Variants in PCNX1 observed in about 807,000 individuals in gnomAD.
PCNX1 encodes the protein pecanex 1.
Under a neutral mutation model 242.2 loss-of-function variants are expected in PCNX1, and 78 were observed. The ratio of observed to expected loss-of-function variants is 0.32; its 90% confidence interval spans 0.27 to 0.39. The LOEUF (loss-of-function observed/expected upper bound fraction) is 0.39, where lower values mean the gene tolerates loss of function less well. Among genes scored for constraint, PCNX1 ranks in the 10% least tolerant of loss-of-function variants. The pLI is 1.00. For missense variants in PCNX1, 2,581 were observed against 2,856.5 expected (o/e 0.90, Z 2.20); for synonymous variants, 1,024 against 1,032.9 (o/e 0.99, Z 0.17).
chr14:71,026,408 T>C, intron 14 of PCNX1, 120 bp downstream of exon 14: 1 of 605,656 alleles, frequency 1.7e-6, no homozygotes, highest in Non-Finnish European at 2.7e-6. Flanking sequence ...ACTGTTATTA[T>C]GTGCTCTGAG....
Position 70,978,552 on chromosome 14 carries a change from C to T in PCNX1, c.2215C>T (p.Arg739Trp), listed in dbSNP as rs754248600. The change falls in exon 6 of 36, where the codon CGG (arginine) becomes TGG (tryptophan). Residue 739 changes from arginine to tryptophan, a missense_variant. By Grantham distance (101) the Arg-to-Trp change is moderately radical (BLOSUM62 -3). This residue lies in a region of PCNX1 where 1,204 missense variants were observed against 1,216.7 expected (regional missense o/e 0.99). Transcript: ENST00000304743. ...GCTAGATGAGCTATCTTTATTAGGACGGGCTTCCCAGTTAGAGACAGTCAC... is the reference window on the plus strand; with the variant it reads ...GCTAGATGAGCTATCTTTATTAGGATGGGCTTCCCAGTTAGAGACAGTCAC... Reference protein sequence around the residue: ...EVLDELSLLGRASQLETVTRS... With the variant: ...EVLDELSLLGWASQLETVTRS... 9.3e-6 allele frequency: 15 copies of T among 1,613,898 alleles called. No homozygotes were observed. Among genetic ancestry groups the T allele is most frequent in the South Asian group, 4.4e-5 (4 of 91,082 alleles).
intron 12 of PCNX1, among the ~76,000 whole-genome samples, chr14:71,022,522 C>T (rs2060132096): frequency 6.6e-6 from 1 of 152,022 alleles, no homozygotes; most frequent in Non-Finnish European, 1.5e-5. Flanking sequence ...GGCCCAGTAT[C>T]GAATGGTAGG....
chr14:70,994,402 T>TAG (rs1566672853), intron 7 of PCNX1, among the ~76,000 whole-genome samples: 20 of 41,186 alleles, frequency 4.9e-4, no homozygotes, highest in African/African-American at 2.1e-3. Context: ...TTAAGATATA[T>TAG]ATATATATAT....
chr14:70,908,871 A>G (rs1303379062), intron 1 of PCNX1, among the ~76,000 whole-genome samples: 1 of 152,244 alleles, frequency 6.6e-6, no homozygotes, highest in Non-Finnish European at 1.5e-5. Flanking sequence ...TTAAAGCAAC[A>G]TTGAAAGTTG....
chr14:71,015,657 CA>C (rs1203895566), intron 11 of PCNX1, among the ~76,000 whole-genome samples: 1 of 151,982 alleles, frequency 6.6e-6, no homozygotes, highest in Non-Finnish European at 1.5e-5. Context: ...AAATTCTTAC[CA>C]AAACCTACTG....
chr14:71,002,973 T>C lies in PCNX1; in HGVS notation c.2630-6661T>C, dbSNP rs774250680. ...TTTGAATTTCTCTTATGACTAAAGATAGTAAGCATCTTTTGATGTGCTTAT... is the reference window on the plus strand; with the variant it reads ...TTTGAATTTCTCTTATGACTAAAGACAGTAAGCATCTTTTGATGTGCTTAT... On this transcript the variant is annotated intron_variant, in intron 8 of 35. Transcript: ENST00000304743. 3.9e-5 allele frequency among the ~76,000 whole-genome samples: 6 copies of C among 152,282 alleles called. No individual in the cohort carries two copies. In the South Asian group the frequency reaches 1.2e-3, roughly 32 times the overall value.
intron 1 of PCNX1, among the ~76,000 whole-genome samples, chr14:70,939,199 C>G (rs1005951724): frequency 6.6e-6 from 1 of 152,056 alleles, no homozygotes; most frequent in Non-Finnish European, 1.5e-5. Flanking sequence ...GCTCTTGCTT[C>G]TCTAGTTCTT....
At chr14:70,957,061 T>G (rs1025125764) in intron 2 of PCNX1, among the ~76,000 whole-genome samples, 3 of 152,066 alleles carry the variant, frequency 2.0e-5, no homozygotes, top group African/African-American at 7.2e-5. Flanking sequence ...AGTGGTGCAA[T>G]CATAGCTCAC....
chr14:71,079,946 T>C (rs995816482), intron 28 of PCNX1, among the ~76,000 whole-genome samples: 8 of 152,100 alleles, frequency 5.3e-5, no homozygotes, highest in Non-Finnish European at 1.2e-4. Flanking sequence ...AGTCTTTGCC[T>C]ATGCCTATGT....
chr14:71,030,014 C>A (rs891914429), intron 16 of PCNX1, among the ~76,000 whole-genome samples: 1 of 152,150 alleles, frequency 6.6e-6, no homozygotes, highest in African/African-American at 2.4e-5. Flanking sequence ...CATGTGTATT[C>A]ATTTCTCTTG....
chr14:70,981,360 A>G (rs1357245877), intron 6 of PCNX1, among the ~76,000 whole-genome samples: 2 of 152,242 alleles, frequency 1.3e-5, no homozygotes, highest in Admixed American at 1.3e-4. Flanking sequence ...TAAGTGTGCC[A>G]TTGTGAAACT....
intron 1 of PCNX1, among the ~76,000 whole-genome samples, chr14:70,930,290 C>T (rs1010025304): frequency 4.6e-5 from 7 of 152,098 alleles, no homozygotes; most frequent in African/African-American, 9.7e-5. Context: ...GGGCTACAGG[C>T]GAATGTCACT....
At position 70,949,565 on chromosome 14, in the gene PCNX1, A is replaced by G. The variant is rs183395363; in HGVS notation, c.362+2442A>G. ...CTTAACCTATTGTAAATTTGTTTGA[A>G]TTGTATATTCTTACCTTAGAAACTT... On this transcript the variant is annotated intron_variant, in intron 2 of 35. Coordinates refer to ENST00000304743, the MANE Select transcript of PCNX1 (RefSeq NM_014982.3). 2.4e-3 allele frequency among the ~76,000 whole-genome samples: 365 copies of G among 152,174 alleles called. 4 individuals are homozygous for G. The highest frequency in any genetic ancestry group is 8.4e-3 in the African/African-American group (349 of 41,510).
At chr14:71,092,695 G>T (rs2062168102) in intron 30 of PCNX1, 1 of 152,234 alleles carries the variant, frequency 6.6e-6, no homozygotes, top group East Asian at 1.9e-4. Context: ...AAAATTTAAG[G>T]CAGGGATGGG....
intron 8 of PCNX1, among the ~76,000 whole-genome samples, chr14:71,000,717 G>A (rs2059480382): frequency 6.6e-6 from 1 of 151,850 alleles, no homozygotes; most frequent in Non-Finnish European, 1.5e-5. Context: ...GTAGAGATGG[G>A]GTTTTGCCAT....
chr14:71,027,053 A>G (rs1468238398), intron 15 of PCNX1, 171 bp downstream of exon 15: 2 of 462,220 alleles, frequency 4.3e-6, no homozygotes, highest in African/African-American at 4.0e-5. Context: ...TGGATAGGAA[A>G]AAATAGTCAA....
At chr14:70,965,125 ATTC>A (rs1273453751) in intron 3 of PCNX1, among the ~76,000 whole-genome samples, 2 of 152,118 alleles carry the variant, frequency 1.3e-5, no homozygotes, top group Non-Finnish European at 2.9e-5. Flanking sequence ...CATTGTTACT[ATTC>A]TTTCCTTCAC....
In PCNX1 at chr14:70,977,844, G is replaced by T. The variant is rs144559729; in HGVS notation, c.1507G>T (p.Gly503Trp). Reference protein sequence around the residue: ...NPHANEFTSQGDRPPGNTAEN... With the variant: ...NPHANEFTSQWDRPPGNTAEN... ...CCATGCAAATGAATTTACTTCCCAA[G>T]GGGACAGACCACCTGGGAACACTGC... Residue 503 changes from glycine to tryptophan, a missense_variant, in exon 6 of 36, where the codon GGG (glycine) becomes TGG (tryptophan). Physicochemically the swap from Gly to Trp is radical, Grantham distance 184. This residue lies in a region of PCNX1 where 1,204 missense variants were observed against 1,216.7 expected (regional missense o/e 0.99). Coordinates refer to ENST00000304743, the MANE Select transcript of PCNX1 (RefSeq NM_014982.3). 1.9e-6 allele frequency: 3 copies of T among 1,613,960 alleles called. No individual in the cohort carries two copies. Among genetic ancestry groups the T allele is most frequent in the Non-Finnish European group, 2.5e-6 (3 of 1,180,020 alleles).
intron 2 of PCNX1, among the ~76,000 whole-genome samples, chr14:70,950,660 T>G (rs1354073065): frequency 6.6e-6 from 1 of 152,132 alleles, no homozygotes; most frequent in African/African-American, 2.4e-5. Context: ...TGAAAAACTG[T>G]GATATCTCAT....
Sources: gnomAD v4.1 joint callset for allele counts (sites outside exome capture counted in the v4.1 genomes callset) on GRCh38, gnomAD v4.1.1 for gene constraint, gnomAD v4.1.1 regional missense constraint, MANE v1.5 for transcripts, NCBI Gene and HGNC (gene_info 2026-07-23, HGNC 2026-07-21) for gene names.